Variants in TMEM232 observed in about 807,000 individuals in gnomAD.
The protein encoded by TMEM232 is transmembrane protein 232.
Under a neutral mutation model 78.8 loss-of-function variants are expected in TMEM232, and 80 were observed. The observed-to-expected ratio is 1.01, with a 90% CI of 0.85 to 1.22. The LOEUF is 1.22. TMEM232 is among the 50% of genes most tolerant of loss of function. TMEM232 has a pLI of 0.00. For missense variants in TMEM232, 881 were observed against 742.2 expected, an observed-to-expected ratio of 1.19 and a Z score of -2.17; for synonymous variants, 297 against 254.3, an observed-to-expected ratio of 1.17 and a Z score of -1.60.
intron 12 of TMEM232, among the ~76,000 whole-genome samples, chr5:110,524,411 GAAAGAAAAGAAAAGAAA>G: frequency 1.6e-5 from 1 of 61,426 alleles, no homozygotes; most frequent in Non-Finnish European, 3.8e-5. Flanking sequence ...AAGAAAGAAA[GAAAGAAAAGAAAAGAAA>G]AGAAAAGAAA....
At chr5:110,548,251 C>A (rs563755162) in intron 11 of TMEM232, among the ~76,000 whole-genome samples, 1 of 150,822 alleles carries the variant, frequency 6.6e-6, no homozygotes, top group Non-Finnish European at 1.5e-5. Context: ...AACACACACA[C>A]ACATACACGA....
At chr5:110,606,606 C>T (rs1188877326) in intron 8 of TMEM232, among the ~76,000 whole-genome samples, 1 of 151,968 alleles carries the variant, frequency 6.6e-6, no homozygotes, top group Non-Finnish European at 1.5e-5. Context: ...CCCAAAAACT[C>T]ACAATAGGTT....
chr5:110,481,880 A>G (rs183211005), intron 12 of TMEM232, among the ~76,000 whole-genome samples: 273 of 152,336 alleles, frequency 1.8e-3, no homozygotes, highest in Non-Finnish European at 3.1e-3. Context: ...GATTCTGGTG[A>G]AAGCTAATAA....
intron 12 of TMEM232, among the ~76,000 whole-genome samples, chr5:110,509,809 T>C (rs1283565323): frequency 6.6e-6 from 1 of 152,162 alleles, no homozygotes; most frequent in African/African-American, 2.4e-5. Flanking sequence ...AAAATGAAGA[T>C]TCTATCACTA....
chr5:110,401,508 G>T (rs1171918176), intron 2 of TMEM232, among the ~76,000 whole-genome samples: 1 of 151,994 alleles, frequency 6.6e-6, no homozygotes, highest in African/African-American at 2.4e-5. Context: ...TCCATCACTT[G>T]CTGGGTCCTG....
At chr5:110,555,339 T>C (rs1373037761) in intron 11 of TMEM232, among the ~76,000 whole-genome samples, 5 of 152,200 alleles carry the variant, frequency 3.3e-5, no homozygotes. Flanking sequence ...ATTTTCTTGG[T>C]ATTGATATCC....
intron 1 of TMEM232, among the ~76,000 whole-genome samples, chr5:110,708,239 G>A (rs1457940894): frequency 6.6e-6 from 1 of 152,086 alleles, no homozygotes; most frequent in Admixed American, 6.6e-5. Flanking sequence ...GTATATATCT[G>A]GTGAAAATAT....
upstream of TMEM232, among the ~76,000 whole-genome samples, chr5:110,727,939 A>T (rs1023200587): frequency 1.3e-5 from 2 of 152,166 alleles, no homozygotes; most frequent in Non-Finnish European, 2.9e-5. Flanking sequence ...AAATGAAAAG[A>T]CTGTGGTATT....
At chr5:110,618,406 T>C in intron 8 of TMEM232, 23 bp downstream of exon 8, 2 of 1,547,310 alleles carry the variant, frequency 1.3e-6, no homozygotes, top group Admixed American at 2.0e-5. Context: ...TGAGTTACTT[T>C]GGATTTATAG....
chr5:110,635,904 T>A (rs1270613734), intron 5 of TMEM232, among the ~76,000 whole-genome samples: 1 of 151,950 alleles, frequency 6.6e-6, no homozygotes, highest in Non-Finnish European at 1.5e-5. Context: ...ATTCCACTAG[T>A]GGGAATTTAT....
chr5:110,691,850 TCC>T (rs1020181936), intron 1 of TMEM232, among the ~76,000 whole-genome samples: 2 of 152,232 alleles, frequency 1.3e-5, no homozygotes, highest in African/African-American at 4.8e-5. Context: ...TTCTTCTATT[TCC>T]TATGTAACAG....
intron 12 of TMEM232, among the ~76,000 whole-genome samples, chr5:110,485,830 C>G (rs897183938): frequency 2.0e-5 from 3 of 152,068 alleles, no homozygotes; most frequent in African/African-American, 7.2e-5. Context: ...TGGGTAGATA[C>G]CCAGTGGTGA....
At chr5:110,687,842 T>G (rs1793618258) in intron 1 of TMEM232, among the ~76,000 whole-genome samples, 1 of 152,162 alleles carries the variant, frequency 6.6e-6, no homozygotes, top group Admixed American at 6.6e-5. Context: ...TTATTCATTT[T>G]GGGGTACCAC....
At chr5:110,413,607 C>T (rs1009411853) in intron 2 of TMEM232, among the ~76,000 whole-genome samples, 3 of 152,198 alleles carry the variant, frequency 2.0e-5, no homozygotes, top group Admixed American at 2.0e-4. Flanking sequence ...TCCTCTCCAT[C>T]CCTATGGGGC....
At chr5:110,422,238 T>G (rs1756718088) in intron 13 of TMEM232, among the ~76,000 whole-genome samples, 1 of 152,032 alleles carries the variant, frequency 6.6e-6, no homozygotes, top group African/African-American at 2.4e-5. Context: ...CATTATTTTG[T>G]TTTTTAGGCT....
intron 4 of TMEM232, among the ~76,000 whole-genome samples, chr5:110,639,243 G>A (rs147817080): frequency 0.018 from 2,737 of 152,222 alleles, 30 homozygotes; most frequent in Admixed American, 0.024. Context: ...GTGGATTACA[G>A]AATGAGGAGC....
chr5:110,586,791 T>C (rs1778869552), intron 10 of TMEM232, among the ~76,000 whole-genome samples: 1 of 152,078 alleles, frequency 6.6e-6, no homozygotes, highest in South Asian at 2.1e-4. Flanking sequence ...AAGCCATAGG[T>C]AATCAGAGGG....
intron 2 of TMEM232, among the ~76,000 whole-genome samples, chr5:110,660,034 G>A (rs548826625): frequency 3.6e-4 from 54 of 151,884 alleles, no homozygotes; most frequent in Non-Finnish European, 4.0e-4. Flanking sequence ...TAATTTTTCA[G>A]GAATGATAAA....
intron 1 of TMEM232, among the ~76,000 whole-genome samples, chr5:110,710,575 C>T (rs899179771): frequency 6.6e-6 from 1 of 152,074 alleles, no homozygotes; most frequent in Non-Finnish European, 1.5e-5. Flanking sequence ...CCCAGGGATG[C>T]AAAGATGCTT....
Sources: allele counts gnomAD v4.1 joint callset (sites outside exome capture counted in the v4.1 genomes callset), GRCh38; gene constraint gnomAD v4.1.1; transcripts MANE v1.5; gene names NCBI Gene and HGNC (gene_info 2026-07-23, HGNC 2026-07-21).